ZKSCAN7: variants seen among roughly 807,000 people sequenced by gnomAD.
ZKSCAN7 encodes the protein zinc finger protein with KRAB and SCAN domains 7.
Under a neutral mutation model 65.3 loss-of-function variants are expected in ZKSCAN7, and 38 were observed. The observed-to-expected ratio is 0.58, with a 90% CI of 0.45 to 0.76. ZKSCAN7 has a LOEUF of 0.76. Ranked by LOEUF, ZKSCAN7 falls within the 30% of genes least tolerant of loss-of-function variation. ZKSCAN7 has a pLI of 0.00. For missense variants in ZKSCAN7, 815 were observed against 913.3 expected (o/e 0.89, Z 1.39); for synonymous variants, 321 against 321.0 (o/e 1.00, Z 0.00).
Position 44,568,268 on chromosome 3 carries a change from C to G in ZKSCAN7, c.685-39C>G, listed in dbSNP as rs371983607. The G allele has an allele frequency of 3.2e-5, 51 of 1,601,170 alleles. No homozygotes were observed. The Admixed American group carries it at 5.8e-4, about 18-fold the overall frequency. On this transcript the variant is annotated intron_variant, in intron 4 of 5. Coordinates refer to ENST00000426540, the MANE Select transcript of ZKSCAN7 (RefSeq NM_001288590.2). The stretch of plus-strand genomic sequence containing the variant: ...ACCCCTGATGACTCTGCCCTTCAGG[C>G]TGTGAATGTTCCTGAGCGATTGGAG...
chr3:44,580,170 G>T (rs1220793425), intron 5 of ZKSCAN7: 1 of 1,608,184 alleles, frequency 6.2e-7, no homozygotes, highest in Admixed American at 1.7e-5. Context: ...GCTGGGAGGG[G>T]AGAGCGGCGG....
chr3:44,578,170 CAGCCTT>C, intron 5 of ZKSCAN7: 2 of 1,522,868 alleles, frequency 1.3e-6, no homozygotes, highest in Non-Finnish European at 1.8e-6. Flanking sequence ...ATGTCACAGT[CAGCCTT>C]AGCCTTTGCG....
chr3:44,562,787 G>A (rs866442333), intron 2 of ZKSCAN7, among the ~76,000 whole-genome samples: 7 of 152,150 alleles, frequency 4.6e-5, no homozygotes, highest in South Asian at 4.2e-4. Flanking sequence ...TCGAGACCAC[G>A]GTGAAACCCC....
chr3:44,556,449 A>G (rs1376825031), intron 1 of ZKSCAN7, among the ~76,000 whole-genome samples: 1 of 152,216 alleles, frequency 6.6e-6, no homozygotes, highest in East Asian at 1.9e-4. Context: ...TTTATTTTGC[A>G]TTTCTATCAG....
chr3:44,577,042 C>A (rs1430490207), downstream of ZKSCAN7, among the ~76,000 whole-genome samples: 2 of 151,956 alleles, frequency 1.3e-5, no homozygotes, highest in Non-Finnish European at 2.9e-5. Context: ...TGGCTTACTG[C>A]AACCTCAACT....
chr3:44,570,568 G>C lies in ZKSCAN7; in HGVS notation c.1458G>C (p.Gln486His), dbSNP rs767605185. The change falls in exon 6 of 6, where the codon CAG (glutamine) becomes CAC (histidine). Residue 486 changes from glutamine to histidine, a missense_variant. Physicochemically the swap from Gln to His is conservative, Grantham distance 24. Transcript: ENST00000426540. ...AGAGTTCCCGACTCACTGACCACCA[G>C]AGAACCCATACTGGGGAGAAACCTT... ...FTQSSRLTDH[Q>H]RTHTGEKPYE... The C allele has an allele frequency of 6.2e-7, 1 of 1,612,632 alleles. No homozygotes were observed. The highest frequency in any genetic ancestry group is 2.2e-5 in the East Asian group (1 of 44,866).
chr3:44,579,843 A>G (rs1459857929), intron 5 of ZKSCAN7: 1 of 1,611,418 alleles, frequency 6.2e-7, no homozygotes, highest in African/African-American at 1.3e-5. Context: ...CTGTCCTCAT[A>G]CTGCTTAGTC....
intron 5 of ZKSCAN7, chr3:44,579,960 T>C (rs912691829): frequency 1.4e-6 from 2 of 1,441,490 alleles, no homozygotes; most frequent in African/African-American, 2.8e-5. Context: ...AGCCGAGGCG[T>C]CTGGGAGAGG....
In ZKSCAN7 at chr3:44,570,758, C is replaced by A. The variant is rs375856259; in HGVS notation, c.1648C>A (p.Pro550Thr). ...DHQRIHTGEK[P>T]YECSECGKAF... Reference sequence around the variant, plus strand: ...TCAGAGAATCCACACTGGGGAGAAGCCTTATGAGTGTAGTGAATGTGGCAA... The same window carrying A: ...TCAGAGAATCCACACTGGGGAGAAGACTTATGAGTGTAGTGAATGTGGCAA... The change falls in exon 6 of 6, where the codon CCT (proline) becomes ACT (threonine). Residue 550 changes from proline to threonine, a missense_variant. Physicochemically the swap from Pro to Thr is conservative, Grantham distance 38. This residue lies in a region of ZKSCAN7 where 578 missense variants were observed against 629.5 expected (regional missense o/e 0.92). Coordinates refer to ENST00000426540, the MANE Select transcript of ZKSCAN7 (RefSeq NM_001288590.2). The A allele has an allele frequency of 1.2e-6, 2 of 1,613,968 alleles. No homozygotes were observed. The highest frequency in any genetic ancestry group is 1.3e-5 in the African/African-American group (1 of 74,892).
At chr3:44,567,352 T>G (rs2125719201) in intron 3 of ZKSCAN7, among the ~76,000 whole-genome samples, 1 of 152,228 alleles carries the variant, frequency 6.6e-6, no homozygotes, top group African/African-American at 2.4e-5. Flanking sequence ...CCTCCCACCT[T>G]AGCCTAGAAC....
At chr3:44,581,152 C>G (rs1295115480) in intron 5 of ZKSCAN7, 1 of 929,506 alleles carries the variant, frequency 1.1e-6, no homozygotes, top group East Asian at 1.1e-4. Context: ...GGCCTCCTTC[C>G]CTGCGGGCGG....
At chr3:44,577,860 G>A (rs1170490131) in intron 5 of ZKSCAN7, among the ~76,000 whole-genome samples, 2 of 152,162 alleles carry the variant, frequency 1.3e-5, no homozygotes, top group African/African-American at 4.8e-5. Flanking sequence ...GAAAAGCAGC[G>A]CTCGGGGTGT....
chr3:44,580,085 G>T, intron 5 of ZKSCAN7: 1 of 1,605,360 alleles, frequency 6.2e-7, no homozygotes. Flanking sequence ...TGGTCTCCAT[G>T]TGCTCTGCCT....
At chr3:44,579,670 A>G (rs1194687316) in intron 5 of ZKSCAN7, among the ~76,000 whole-genome samples, 1 of 152,076 alleles carries the variant, frequency 6.6e-6, no homozygotes, top group African/African-American at 2.4e-5. Flanking sequence ...CCTCCTTTGT[A>G]TGTATCTGGA....
intron 5 of ZKSCAN7, chr3:44,578,402 G>C: frequency 6.2e-7 from 1 of 1,613,968 alleles, no homozygotes. Context: ...AGTCAGCAGC[G>C]TCCGCAACCG....
chr3:44,579,259 G>T (rs1364378432), intron 5 of ZKSCAN7, among the ~76,000 whole-genome samples: 1 of 152,212 alleles, frequency 6.6e-6, no homozygotes, highest in Non-Finnish European at 1.5e-5. Flanking sequence ...AGTGCTTGCG[G>T]CGCTCCTCCC....
At chr3:44,582,321 C>G (rs1303562649) in intron 5 of ZKSCAN7, among the ~76,000 whole-genome samples, 2 of 152,172 alleles carry the variant, frequency 1.3e-5, no homozygotes, top group African/African-American at 4.8e-5. Flanking sequence ...CATGAAAACA[C>G]AATAGGAGAG....
chr3:44,580,350 T>G (rs1362977262), intron 5 of ZKSCAN7: 1 of 1,610,486 alleles, frequency 6.2e-7, no homozygotes, highest in Admixed American at 1.7e-5. Context: ...AGCAGGAGGC[T>G]GGCTCTGGCT....
intron 2 of ZKSCAN7, among the ~76,000 whole-genome samples, chr3:44,558,627 G>A (rs1342677106): frequency 1.3e-5 from 2 of 152,066 alleles, no homozygotes; most frequent in South Asian, 2.1e-4. Flanking sequence ...GCAGGCCATC[G>A]ACAAGGGCAG....
Sources: gnomAD v4.1 joint callset for allele counts (sites outside exome capture counted in the v4.1 genomes callset) on GRCh38, gnomAD v4.1.1 for gene constraint, gnomAD v4.1.1 regional missense constraint, MANE v1.5 for transcripts, NCBI Gene and HGNC (gene_info 2026-07-23, HGNC 2026-07-21) for gene names.